GRIK2: variants seen among roughly 807,000 people sequenced by gnomAD.
The protein encoded by GRIK2 is glutamate receptor ionotropic, kainate 2.
Under a neutral mutation model 100.3 loss-of-function variants are expected in GRIK2, and 32 were observed. The ratio of observed to expected loss-of-function variants is 0.32; its 90% CI spans 0.24 to 0.43. The LOEUF is 0.43. Ranked by LOEUF, GRIK2 falls within the 20% of genes least tolerant of loss-of-function variation. The pLI, the probability that GRIK2 is intolerant of heterozygous loss-of-function variation, is 1.00. For synonymous variants in GRIK2, 417 were observed against 389.4 expected (o/e 1.07, Z -0.83); for missense variants, 843 against 1,114.9 (o/e 0.76, Z 3.47).
At chr6:101,663,397 A>C (rs759053789) in intron 4 of GRIK2, among the ~76,000 whole-genome samples, 4 of 152,156 alleles carry the variant, frequency 2.6e-5, no homozygotes, top group Non-Finnish European at 4.4e-5. Context: ...ACAGGTTGTC[A>C]GGAGACAAAA....
intron 9 of GRIK2, among the ~76,000 whole-genome samples, chr6:101,804,277 A>G (rs575879031): frequency 6.6e-6 from 1 of 152,140 alleles, no homozygotes; most frequent in African/African-American, 2.4e-5. Flanking sequence ...CATTACACAC[A>G]TACACATACA....
At chr6:101,785,901 T>G (rs1779392705) in intron 7 of GRIK2, among the ~76,000 whole-genome samples, 6 of 152,246 alleles carry the variant, frequency 3.9e-5, no homozygotes, top group Admixed American at 3.9e-4. Context: ...ATCTGTAGAT[T>G]GTTTTGGGTA....
intron 2 of GRIK2, among the ~76,000 whole-genome samples, chr6:101,488,421 A>G (rs1279226406): frequency 1.4e-5 from 2 of 146,900 alleles, no homozygotes; most frequent in East Asian, 3.9e-4. Context: ...CAGAAGAAGA[A>G]AACAGTGTTT....
intron 4 of GRIK2, among the ~76,000 whole-genome samples, chr6:101,659,216 C>G (rs920549088): frequency 1.3e-5 from 2 of 152,206 alleles, no homozygotes; most frequent in Non-Finnish European, 1.5e-5. Context: ...GATCCAGATT[C>G]AGTTTTCTGC....
intron 12 of GRIK2, among the ~76,000 whole-genome samples, chr6:101,900,599 G>T (rs1257430996): frequency 6.6e-6 from 1 of 151,714 alleles, no homozygotes; most frequent in East Asian, 1.9e-4. Flanking sequence ...ATATTTTATT[G>T]ATTTGTTTGA....
intron 7 of GRIK2, among the ~76,000 whole-genome samples, chr6:101,690,730 T>C (rs558810799): frequency 6.6e-6 from 1 of 152,146 alleles, no homozygotes; most frequent in Non-Finnish European, 1.5e-5. Flanking sequence ...CCCTCTCATC[T>C]CACCTTTGAT....
chr6:101,461,955 C>A (rs534835209), intron 2 of GRIK2, among the ~76,000 whole-genome samples: 3 of 152,124 alleles, frequency 2.0e-5, no homozygotes, highest in Non-Finnish European at 4.4e-5. Context: ...TTAAGACATA[C>A]GAAGCTGAGA....
intron 11 of GRIK2, among the ~76,000 whole-genome samples, chr6:101,874,197 C>T (rs1321775238): frequency 3.3e-5 from 5 of 152,050 alleles, no homozygotes; most frequent in African/African-American, 7.2e-5. Flanking sequence ...ATGGTATTGC[C>T]TAGGTTTTCT....
At chr6:101,809,651 A>G (rs1302632918) in intron 9 of GRIK2, among the ~76,000 whole-genome samples, 1 of 152,036 alleles carries the variant, frequency 6.6e-6, no homozygotes, top group Non-Finnish European at 1.5e-5. Context: ...TTCCTCTACG[A>G]AAGCAATTTT....
intron 6 of GRIK2, among the ~76,000 whole-genome samples, chr6:101,683,339 A>G (rs189848515): frequency 3.9e-5 from 6 of 152,246 alleles, no homozygotes; most frequent in South Asian, 2.1e-4. Flanking sequence ...TTTTGCCTGT[A>G]TTTAGTTAGA....
chr6:101,563,087 T>A (rs1464024606), intron 2 of GRIK2, among the ~76,000 whole-genome samples: 2 of 152,180 alleles, frequency 1.3e-5, no homozygotes, highest in Non-Finnish European at 2.9e-5. Context: ...TTTTCATCCT[T>A]GATTATTTTG....
chr6:101,896,174 T>A lies in GRIK2; in HGVS notation c.1748+6311T>A, dbSNP rs562217871. On this transcript the variant is annotated intron_variant, in intron 12 of 16. Coordinates refer to ENST00000369134, the MANE Select transcript of GRIK2 (RefSeq NM_021956.5). ...ACCCAGAAAAAATTCTTAGTTTGTA[T>A]CTTTAGTAGAACCAAACCAATTGAA... Among the ~76,000 whole-genome samples, 7 of 151,898 alleles carry A rather than the reference T, an allele frequency of 4.6e-5. No homozygotes were observed. The East Asian group carries it at 1.4e-3, about 29-fold the overall frequency.
intron 14 of GRIK2, among the ~76,000 whole-genome samples, chr6:101,989,115 T>G (rs1349989978): frequency 6.6e-6 from 1 of 152,054 alleles, no homozygotes; most frequent in South Asian, 2.1e-4. Flanking sequence ...CATGTGCATC[T>G]TAACATCTAT....
intron 2 of GRIK2, among the ~76,000 whole-genome samples, chr6:101,522,235 C>T (rs892959435): frequency 6.6e-6 from 1 of 152,150 alleles, no homozygotes; most frequent in African/African-American, 2.4e-5. Context: ...GCCTTTGTCA[C>T]AGTTGATTCT....
intron 10 of GRIK2, among the ~76,000 whole-genome samples, chr6:101,825,457 A>T (rs1782259890): frequency 1.3e-5 from 2 of 152,176 alleles, no homozygotes; most frequent in Non-Finnish European, 2.9e-5. Context: ...GTTTTGATGT[A>T]AAATTAGGTA....
At chr6:101,902,055 A>C (rs867257368) in intron 12 of GRIK2, among the ~76,000 whole-genome samples, 1 of 151,856 alleles carries the variant, frequency 6.6e-6, no homozygotes, top group African/African-American at 2.4e-5. Context: ...TTTATTGTTC[A>C]GTGATGTGAT....
chr6:102,035,811 G>A lies in GRIK2; in HGVS notation c.2311+245G>A, dbSNP rs549453866. 2.6e-5 allele frequency among the ~76,000 whole-genome samples: 4 copies of A among 151,450 alleles called. No individual in the cohort carries two copies. The South Asian group carries it at 8.3e-4, about 31-fold the overall frequency. Reference sequence around the variant, plus strand: ...TAGATATTTTTACTGTATCAGTGTTGAAAAACACACAGTATAACCCAGCTA... The same window carrying A: ...TAGATATTTTTACTGTATCAGTGTTAAAAAACACACAGTATAACCCAGCTA... On this transcript the variant is annotated intron_variant, in intron 15 of 16. Coordinates refer to ENST00000369134, the MANE Select transcript of GRIK2 (RefSeq NM_021956.5).
intron 7 of GRIK2, among the ~76,000 whole-genome samples, chr6:101,791,030 A>T (rs1249068182): frequency 1.3e-5 from 2 of 152,034 alleles, no homozygotes; most frequent in Admixed American, 1.3e-4. Flanking sequence ...GGTAGTTTGT[A>T]TTTCTGTGGG....
intron 14 of GRIK2, among the ~76,000 whole-genome samples, chr6:101,966,382 A>G (rs1400528103): frequency 1.3e-5 from 2 of 152,174 alleles, no homozygotes; most frequent in African/African-American, 4.8e-5. Context: ...AGAAATTTAA[A>G]AAATATATTA....
Sources: gnomAD v4.1 joint callset for allele counts (sites outside exome capture counted in the v4.1 genomes callset) on GRCh38, gnomAD v4.1.1 for gene constraint, MANE v1.5 for transcripts, NCBI Gene and HGNC (gene_info 2026-07-23, HGNC 2026-07-21) for gene names.